The following ZEB1 variants were observed in gnomAD, a reference collection of about 807,000 sequenced individuals.
ZEB1 encodes zinc finger E-box-binding homeobox 1.
In ZEB1, 21 loss-of-function variants were observed where a neutral mutation model predicts 84.9. That is an observed-to-expected ratio of 0.25 (90% confidence interval 0.18 to 0.36). ZEB1 has a LOEUF of 0.36. Ranked by LOEUF, ZEB1 falls within the 10% of genes least tolerant of loss-of-function variation. ZEB1 has a pLI of 1.00. For synonymous variants in ZEB1, 420 were observed against 471.1 expected (o/e 0.89, Z 1.41); for missense variants, 1,104 against 1,330.2 (o/e 0.83, Z 2.65).
chr10:31,409,609 C>G (rs1450402137), intron 1 of ZEB1, among the ~76,000 whole-genome samples: 1 of 152,078 alleles, frequency 6.6e-6, no homozygotes, highest in South Asian at 2.1e-4. Context: ...GGCAGTATGG[C>G]CATTTTCACG....
At chr10:31,469,814 T>C (rs929465325) in intron 2 of ZEB1, among the ~76,000 whole-genome samples, 1 of 152,180 alleles carries the variant, frequency 6.6e-6, no homozygotes, top group African/African-American at 2.4e-5. Context: ...AATGTCCCTG[T>C]CTGACAGCTT....
At chr10:31,323,964 CGT>C (rs3057772) in intron 1 of ZEB1, among the ~76,000 whole-genome samples, 72,077 of 146,126 alleles carry the variant, frequency 0.49, 18,441 homozygotes, top group Non-Finnish European at 0.6. Context: ...CATGGTTCTT[CGT>C]GTGTGTGTGT....
In ZEB1 at chr10:31,450,233, A is replaced by G. The variant is rs186800519; in HGVS notation, c.59-10804A>G. Among the ~76,000 whole-genome samples, 3 of 152,330 alleles carry G rather than the reference A, an allele frequency of 2.0e-5. No individual in the cohort carries two copies. The East Asian group carries it at 5.8e-4, about 29-fold the overall frequency. On this transcript the variant is annotated intron_variant, in intron 1 of 8. Coordinates refer to ENST00000424869, the MANE Select transcript of ZEB1 (RefSeq NM_001174096.2). Reference sequence around the variant, plus strand: ...AGCTTTTCATTTATTCAAATATTTGATGACTTTTACATAGAATGCTAGTTT... The same window carrying G: ...AGCTTTTCATTTATTCAAATATTTGGTGACTTTTACATAGAATGCTAGTTT...
At chr10:31,355,489 T>C (rs1202250379) in intron 1 of ZEB1, among the ~76,000 whole-genome samples, 1 of 152,088 alleles carries the variant, frequency 6.6e-6, no homozygotes, top group Non-Finnish European at 1.5e-5. Flanking sequence ...TAATTATAAC[T>C]AAGATGAGCA....
At chr10:31,468,326 C>G (rs1183976529) in intron 2 of ZEB1, among the ~76,000 whole-genome samples, 1 of 152,150 alleles carries the variant, frequency 6.6e-6, no homozygotes, top group Non-Finnish European at 1.5e-5. Flanking sequence ...AAAAATCCCA[C>G]TGTCATCACT....
chr10:31,526,530 C>T, intron 8 of ZEB1, 142 bp from the exon 9 acceptor site: 2 of 1,058,794 alleles, frequency 1.9e-6, no homozygotes, highest in East Asian at 2.6e-5. Flanking sequence ...TATTATATTA[C>T]AAAGAGTTTG....
At chr10:31,404,128 A>C in intron 1 of ZEB1, among the ~76,000 whole-genome samples, 1 of 152,116 alleles carries the variant, frequency 6.6e-6, no homozygotes, top group East Asian at 1.9e-4. Context: ...AAGAGCAGGA[A>C]CAATGTACTT....
chr10:31,453,147 T>C (rs1405601516), intron 1 of ZEB1, among the ~76,000 whole-genome samples: 2 of 152,062 alleles, frequency 1.3e-5, no homozygotes, highest in Non-Finnish European at 2.9e-5. Flanking sequence ...ATGAGTGGGA[T>C]ATAGTTAAGC....
At chr10:31,436,675 T>C (rs1591244474) in intron 1 of ZEB1, among the ~76,000 whole-genome samples, 2 of 152,204 alleles carry the variant, frequency 1.3e-5, no homozygotes, top group Non-Finnish European at 2.9e-5. Flanking sequence ...ATAAGCACTT[T>C]GTGGATCAGG....
chr10:31,424,549 G>A (rs899099895), intron 1 of ZEB1, among the ~76,000 whole-genome samples: 4 of 151,848 alleles, frequency 2.6e-5, no homozygotes, highest in African/African-American at 9.7e-5. Flanking sequence ...AGTCCCTTAT[G>A]TACAAAAATA....
At chr10:31,422,412 G>A (rs972038235) in intron 1 of ZEB1, among the ~76,000 whole-genome samples, 2 of 152,082 alleles carry the variant, frequency 1.3e-5, no homozygotes, top group Non-Finnish European at 2.9e-5. Flanking sequence ...TAAGGTTGTA[G>A]AATATTGGCT....
At chr10:31,419,925 C>T (rs560742654) in intron 1 of ZEB1, among the ~76,000 whole-genome samples, 10 of 152,094 alleles carry the variant, frequency 6.6e-5, no homozygotes, top group African/African-American at 9.7e-5. Context: ...CTCATACCTC[C>T]GAAGTAGTAT....
chr10:31,473,466 CA>C (rs2063584301), intron 2 of ZEB1, among the ~76,000 whole-genome samples: 1 of 152,010 alleles, frequency 6.6e-6, no homozygotes, highest in African/African-American at 2.4e-5. Flanking sequence ...ACAATTGCTT[CA>C]AACAGAATAA....
At chr10:31,426,405 C>T (rs949036704) in intron 1 of ZEB1, among the ~76,000 whole-genome samples, 1 of 152,098 alleles carries the variant, frequency 6.6e-6, no homozygotes, top group African/African-American at 2.4e-5. Flanking sequence ...TGTAGGTATT[C>T]ATTGACTCGT....
rs2073686987 is a variant in ZEB1 at position 31,527,337 on chromosome 10, A to G, written c.*73A>G. On this transcript the variant is annotated 3_prime_UTR_variant, in exon 9 of 9. Coordinates refer to ENST00000424869, the MANE Select transcript of ZEB1 (RefSeq NM_001174096.2). The stretch of plus-strand genomic sequence containing the variant: ...TCAATATTATCCTTGCTTTTCATGG[A>G]AACACAGTAACCTGTATGCTGTGAT... The G allele has an allele frequency of 6.5e-7, 1 of 1,536,744 alleles. No individual in the cohort carries two copies. Among genetic ancestry groups the G allele is most frequent in the East Asian group, 2.4e-5 (1 of 40,936 alleles).
intron 1 of ZEB1, among the ~76,000 whole-genome samples, chr10:31,352,909 T>A (rs1157734632): frequency 6.6e-6 from 1 of 152,348 alleles, no homozygotes; most frequent in African/African-American, 2.4e-5. Flanking sequence ...AAGATTACAC[T>A]GTAGAAGAGC....
chr10:31,345,655 TACTCTAAAAG>T (rs1174397490), intron 1 of ZEB1, among the ~76,000 whole-genome samples: 1 of 152,088 alleles, frequency 6.6e-6, no homozygotes, highest in East Asian at 1.9e-4. Context: ...TAGTAGCTGA[TACTCTAAAAG>T]GAGAATGGTG....
intron 1 of ZEB1, among the ~76,000 whole-genome samples, chr10:31,390,942 C>T (rs1430167834): frequency 1.3e-5 from 2 of 149,210 alleles, no homozygotes; most frequent in African/African-American, 2.5e-5. Context: ...TGGATCTACC[C>T]TCAAGTGCTA....
At position 31,520,932 on chromosome 10, in the gene ZEB1, C is replaced by G. The variant is rs749845204; in HGVS notation, c.1600C>G (p.Leu534Val). ...GGGGGTGAATGATAGCACTTGTCTT[C>G]TGTGTGATGATTGTCCAGGAGATAT... Reference protein sequence around the residue: ...EGGVNDSTCLLCDDCPGDINA... With the variant: ...EGGVNDSTCLVCDDCPGDINA... The change falls in exon 7 of 9, where the codon CTG (leucine) becomes GTG (valine). Residue 534 changes from leucine to valine, a missense_variant. By Grantham distance (32) the Leu-to-Val change is conservative. Around this residue, in one of 7 missense-constraint regions of ZEB1, gnomAD observed 531 missense variants for 575.2 expected, o/e 0.92. Coordinates refer to ENST00000424869, the MANE Select transcript of ZEB1 (RefSeq NM_001174096.2). The surrounding 1 kb of genome is among the most constrained non-coding windows in gnomAD (Gnocchi z 5.1). The G allele has an allele frequency of 3.7e-6, 6 of 1,613,986 alleles. No homozygotes were observed. In the African/African-American group the frequency reaches 8.0e-5, roughly 22 times the overall value.
Sources: gnomAD v4.1 joint callset for allele counts (sites outside exome capture counted in the v4.1 genomes callset) on GRCh38, gnomAD v4.1.1 for gene constraint, gnomAD v4.1.1 regional missense constraint, Gnocchi (gnomAD v3.1) non-coding constraint, MANE v1.5 for transcripts, NCBI Gene and HGNC (gene_info 2026-07-23, HGNC 2026-07-21) for gene names.